Variants in MED21 observed in about 807,000 individuals in gnomAD.
MED21 encodes mediator of RNA polymerase II transcription subunit 21.
In MED21, 9 loss-of-function variants were observed where a neutral mutation model predicts 18.2. The observed-to-expected ratio is 0.49, with a 90% CI of 0.30 to 0.86. MED21 has a LOEUF of 0.86. Among genes scored for constraint, MED21 ranks in the 40% least tolerant of loss-of-function variants. The pLI is 0.07. For synonymous variants in MED21, 73 were observed against 60.5 expected (o/e 1.21, Z -0.96); for missense variants, 150 against 170.9 (o/e 0.88, Z 0.68).
downstream of MED21, among the ~76,000 whole-genome samples, chr12:27,030,976 T>C (rs1041874325): frequency 5.3e-5 from 8 of 152,264 alleles, no homozygotes; most frequent in Admixed American, 1.3e-4. Context: ...GGCACGATCT[T>C]GGCTCACCGC....
chr12:27,030,529 CAG>C lies in MED21; in HGVS notation c.*2070_*2071del, dbSNP rs1286221832. 1 of 239,402 alleles carries C rather than the reference CAG, an allele frequency of 4.2e-6. No homozygotes were observed. Among genetic ancestry groups the C allele is most frequent in the Admixed American group, 5.5e-5 (1 of 18,128 alleles). The allele number at this position is 239,402 out of a possible 1,614,324, so 14.8% of individuals were successfully genotyped here. ...ATTCAGGTAACCCAGGAACGAGAAA[CAG>C]AATAAAACAATAGTAAACCTAAATT... On this transcript the variant is annotated 3_prime_UTR_variant, in exon 4 of 4. Transcript: ENST00000282892.
At chr12:27,027,192 G>T (rs753816886) in intron 2 of MED21, among the ~76,000 whole-genome samples, 155 bp from the exon 3 acceptor site, 54 of 152,216 alleles carry the variant, frequency 3.5e-4, no homozygotes, top group Non-Finnish European at 5.4e-4. Flanking sequence ...CTCCCAAAGT[G>T]CTGGGATTAC....
Position 27,029,765 on chromosome 12 carries a change from C to CTGTA in MED21, c.*1305_*1308dup. 2 of 985,048 alleles carry CTGTA rather than the reference C, an allele frequency of 2.0e-6. No homozygotes were observed. Among genetic ancestry groups the CTGTA allele is most frequent in the Non-Finnish European group, 2.4e-6 (2 of 829,268 alleles). The allele number at this position is 985,048 out of a possible 1,614,324, so 61.0% of individuals were successfully genotyped here. ...TTGCTATCAGATATTTGGCATAAAT[C>CTGTA]TGTACTCTTCATTATAGTTTTGGGG... On this transcript the variant is annotated 3_prime_UTR_variant, in exon 4 of 4. Transcript: ENST00000282892.
Position 27,029,413 on chromosome 12 carries a change from T to C in MED21, c.*952T>C. The C allele has an allele frequency of 2.0e-6, 2 of 985,474 alleles. No homozygotes were observed. The highest frequency in any genetic ancestry group is 2.4e-6 in the Non-Finnish European group (2 of 829,928). 61.0% of individuals were successfully genotyped at this position (985,474 alleles called of 1,614,324 possible). On this transcript the variant is annotated 3_prime_UTR_variant, in exon 4 of 4. Transcript: ENST00000282892. ...CCTTGGATCTCTTTGAGTCTACTGA[T>C]AATCTCCACTGGAAAGGTGGAATTG...
intron 3 of MED21, among the ~76,000 whole-genome samples, 193 bp from the exon 4 acceptor site, chr12:27,028,092 A>T (rs1276372382): frequency 1.3e-5 from 2 of 152,218 alleles, no homozygotes; most frequent in East Asian, 3.8e-4. Context: ...ATATCTAGAG[A>T]TCTCTAATTG....
At chr12:27,024,425 C>T (rs1224422275) in intron 1 of MED21, among the ~76,000 whole-genome samples, 1 of 152,146 alleles carries the variant, frequency 6.6e-6, no homozygotes, top group Non-Finnish European at 1.5e-5. Context: ...AGTTTTTAAG[C>T]TGAGAGGACC....
downstream of MED21, among the ~76,000 whole-genome samples, chr12:27,034,021 A>G (rs144476317): frequency 6.6e-6 from 1 of 152,336 alleles, no homozygotes; most frequent in East Asian, 1.9e-4. Flanking sequence ...TGAGATTCAA[A>G]AAGAGTATGG....
At position 27,029,917 on chromosome 12, in the gene MED21, T is replaced by A; in HGVS notation, c.*1456T>A. ...GAAAACTAACAGGATTTATCACTAGTAAACCTGCTCTAAAAGAATTCAAGG... is the reference window on the plus strand; with the variant it reads ...GAAAACTAACAGGATTTATCACTAGAAAACCTGCTCTAAAAGAATTCAAGG... On this transcript the variant is annotated 3_prime_UTR_variant, in exon 4 of 4. Coordinates refer to ENST00000282892, the MANE Select transcript of MED21 (RefSeq NM_004264.5). The A allele has an allele frequency of 1.8e-6, 1 of 540,782 alleles. No individual in the cohort carries two copies. The highest frequency in any genetic ancestry group is 2.4e-6 in the Non-Finnish European group (1 of 423,682). The allele number at this position is 540,782 out of a possible 1,614,324, so 33.5% of individuals were successfully genotyped here.
rs774504143 is a variant in MED21 at position 27,029,590 on chromosome 12, A to C, written c.*1129A>C. 12 of 985,334 alleles carry C rather than the reference A, an allele frequency of 1.2e-5. No individual in the cohort carries two copies. The highest frequency in any genetic ancestry group is 1.7e-5 in the African/African-American group (1 of 57,248). 61.0% of individuals were successfully genotyped at this position (985,334 alleles called of 1,614,324 possible). A position where few individuals can be genotyped will look rare whatever the true frequency, so the allele number is the denominator to read the frequency against. Reference sequence around the variant, plus strand: ...CACTCTGCCTGTTATTTTTGTTGTAATCAAGCTTTTCCACAGTTCTTGAAA... The same window carrying C: ...CACTCTGCCTGTTATTTTTGTTGTACTCAAGCTTTTCCACAGTTCTTGAAA... On this transcript the variant is annotated 3_prime_UTR_variant, in exon 4 of 4. Transcript: ENST00000282892.
intron 1 of MED21, among the ~76,000 whole-genome samples, chr12:27,025,717 A>G (rs1941535487): frequency 6.6e-6 from 1 of 152,206 alleles, no homozygotes. Context: ...AGAGAAACCC[A>G]GTGGAAATAC....
chr12:27,028,973 T>C lies in MED21; in HGVS notation c.*512T>C, dbSNP rs1941581306. On this transcript the variant is annotated 3_prime_UTR_variant, in exon 4 of 4. Coordinates refer to ENST00000282892, the MANE Select transcript of MED21 (RefSeq NM_004264.5). ...AAGAAATAGAGTTAGTGTGGCTGGA[T>C]AAGAAAGTCACATTTATGCAAATGT... 4 of 985,524 alleles carry C rather than the reference T, an allele frequency of 4.1e-6. No homozygotes were observed. Among genetic ancestry groups the C allele is most frequent in the Non-Finnish European group, 4.8e-6 (4 of 829,996 alleles). 61.0% of individuals were successfully genotyped at this position (985,524 alleles called of 1,614,324 possible).
intron 2 of MED21, 96 bp downstream of exon 2, chr12:27,026,630 C>T: frequency 1.3e-6 from 1 of 794,474 alleles, no homozygotes; most frequent in Non-Finnish European, 2.1e-6. Flanking sequence ...TATTTTATTT[C>T]TAAAATTATT....
At chr12:27,028,153 C>T (rs1478415970) in intron 3 of MED21, 132 bp from the exon 4 acceptor site, 14 of 1,174,924 alleles carry the variant, frequency 1.2e-5, no homozygotes, top group Non-Finnish European at 1.6e-5. Context: ...TAAAAGTTGT[C>T]TGATTTTTAG....
downstream of MED21, among the ~76,000 whole-genome samples, chr12:27,031,809 AAG>A (rs1941621289): frequency 6.6e-6 from 1 of 152,136 alleles, no homozygotes. Flanking sequence ...TGAAAGGAGA[AAG>A]AGGATAAAGA....
chr12:27,022,770 G>A, intron 1 of MED21, 149 bp downstream of exon 1: 2 of 1,535,276 alleles, frequency 1.3e-6, no homozygotes, highest in Non-Finnish European at 1.7e-6. Context: ...AGGCGCCACC[G>A]CGAACTCGGA....
intron 1 of MED21, 65 bp downstream of exon 1, chr12:27,022,686 G>C (rs1430965682): frequency 6.2e-7 from 1 of 1,612,076 alleles, no homozygotes; most frequent in East Asian, 2.2e-5. Context: ...GGGAGGAAAG[G>C]GGCCCAAGAG....
chr12:27,030,236 C>G lies in MED21; in HGVS notation c.*1775C>G. 1.6e-6 allele frequency: 1 copy of G among 631,062 alleles called. No homozygotes were observed. Among genetic ancestry groups the G allele is most frequent in the Non-Finnish European group, 2.9e-6 (1 of 343,198 alleles). 39.1% of individuals were successfully genotyped at this position (631,062 alleles called of 1,614,324 possible). On this transcript the variant is annotated 3_prime_UTR_variant, in exon 4 of 4. Transcript: ENST00000282892. ...CAGCTTCACCCTGGGTTCAGGTGAT[C>G]CTCCCACTTCAGCCTCTTCAGTAAC...
At chr12:27,024,303 T>C (rs1342780190) in intron 1 of MED21, among the ~76,000 whole-genome samples, 3 of 152,070 alleles carry the variant, frequency 2.0e-5, no homozygotes, top group East Asian at 1.9e-4. Context: ...GTTTTTTTTT[T>C]CCTCACTGTA....
intron 1 of MED21, among the ~76,000 whole-genome samples, chr12:27,023,261 C>T (rs1941497504): frequency 6.7e-6 from 1 of 149,066 alleles, no homozygotes. Context: ...TCTTCTAATC[C>T]TCGTATGTCT....
Sources: gnomAD v4.1 joint callset for allele counts (sites outside exome capture counted in the v4.1 genomes callset) on GRCh38, gnomAD v4.1.1 for gene constraint, MANE v1.5 for transcripts, NCBI Gene and HGNC (gene_info 2026-07-23, HGNC 2026-07-21) for gene names.